The following POLR2F variants were observed in gnomAD, a reference collection of about 807,000 sequenced individuals.
POLR2F encodes DNA-directed RNA polymerases I, II, and III subunit RPABC2.
A neutral mutation model predicts 22.7 loss-of-function variants in POLR2F; 12 were observed. The observed-to-expected ratio is 0.53, with a 90% CI of 0.34 to 0.86. The LOEUF (loss-of-function observed/expected upper bound fraction) is 0.86. Ranked by LOEUF, POLR2F falls within the 40% of genes least tolerant of loss-of-function variation. The probability of loss-of-function intolerance (pLI) is 0.02; values close to 1 mark genes in which losing one functional copy is unlikely to be tolerated. For missense variants in POLR2F, 126 were observed against 171.5 expected, an observed-to-expected ratio of 0.73 and a Z score of 1.48; for synonymous variants, 57 against 66.0, an observed-to-expected ratio of 0.86 and a Z score of 0.66.
chr22:38,015,337 G>T (rs998953212), intron 1 of POLR2F, among the ~76,000 whole-genome samples: 3 of 152,202 alleles, frequency 2.0e-5, no homozygotes, highest in African/African-American at 7.2e-5. Context: ...GTTGTCAGGA[G>T]CCCCTGCTTG....
At chr22:38,024,772 C>T (rs1285555807) in intron 1 of POLR2F, among the ~76,000 whole-genome samples, 2 of 152,076 alleles carry the variant, frequency 1.3e-5, no homozygotes, top group Non-Finnish European at 2.9e-5. Flanking sequence ...AGGAGGCTGG[C>T]AGTGGGAGAG....
At chr22:38,011,569 T>G (rs1045013754) in intron 1 of POLR2F, among the ~76,000 whole-genome samples, 1 of 152,144 alleles carries the variant, frequency 6.6e-6, no homozygotes, top group African/African-American at 2.4e-5. Context: ...TGAAAATCAA[T>G]TGACCACATG....
In POLR2F at chr22:38,014,789, T is replaced by C. The variant is rs542126111; in HGVS notation, c.121-11080T>C. 6.3e-4 allele frequency among the ~76,000 whole-genome samples: 91 copies of C among 144,354 alleles called. 2 individuals carry two copies. In the Middle Eastern group the frequency reaches 0.011, roughly 17 times the overall value. 94.7% of individuals were successfully genotyped at this position (144,354 alleles called of 152,430 possible). ...TGAGCCACTGGGCCTGGCTCACACCTGTATTTGTATTTTTGTATTTTTTTT... is the reference window on the plus strand; with the variant it reads ...TGAGCCACTGGGCCTGGCTCACACCCGTATTTGTATTTTTGTATTTTTTTT... On this transcript the variant is annotated intron_variant, in intron 1 of 2. Transcript: ENST00000333418.
chr22:37,994,316 C>T (rs2084690825), intron 1 of POLR2F, among the ~76,000 whole-genome samples: 1 of 152,158 alleles, frequency 6.6e-6, no homozygotes, highest in South Asian at 2.1e-4. Context: ...TCACCTTCAG[C>T]TGTGTGTGCT....
chr22:37,978,423 A>G lies in POLR2F; in HGVS notation c.293+11253A>G, dbSNP rs556835947. Among the ~76,000 whole-genome samples, 56 of 152,188 alleles carry G rather than the reference A, an allele frequency of 3.7e-4. No individual in the cohort carries two copies. Among genetic ancestry groups the G allele is most frequent in the Non-Finnish European group, 7.4e-4 (50 of 68,020 alleles). ...CTGGCAGCCCCTGAGGAGGAGTTAG[A>G]AGTAGGAGTAGAGGTTTCAAGGGGC... On this transcript the variant is annotated intron_variant, in intron 4 of 4. Transcript: ENST00000405557. The surrounding 1 kb of genome is among the most constrained non-coding windows in gnomAD (Gnocchi z 5.0).
At chr22:37,973,475 T>C, downstream of POLR2F, 1 of 1,458,024 alleles carries the variant, frequency 6.9e-7, no homozygotes, top group Non-Finnish European at 9.3e-7. Flanking sequence ...GGGCGGGGGG[T>C]GGTGGCGACA....
In POLR2F at chr22:37,997,866, G is replaced by A. The variant is rs554942248; in HGVS notation, c.120+11554G>A. The stretch of plus-strand genomic sequence containing the variant: ...ACAGGCAGGAGGTAAGGATGCGTCC[G>A]AGCCTCCCTAGGACACGACCCTCAC... On this transcript the variant is annotated intron_variant, in intron 1 of 2. Coordinates refer to the POLR2F transcript ENST00000333418. The surrounding 1 kb of genome is among the most constrained non-coding windows in gnomAD (Gnocchi z 4.4). Among the ~76,000 whole-genome samples the A allele has an allele frequency of 1.1e-3, 163 of 152,262 alleles. No individual in the cohort carries two copies. The highest frequency in any genetic ancestry group is 3.7e-3 in the African/African-American group (153 of 41,532).
chr22:37,974,349 T>C lies in POLR2F; in HGVS notation c.293+7179T>C. The stretch of plus-strand genomic sequence containing the variant: ...CACATTTTGGCAGCATGAGTCGGGT[T>C]TTTTTTTGTTTTTTTTTTTTGAGAT... On this transcript the variant is annotated intron_variant, in intron 4 of 4. Coordinates refer to the POLR2F transcript ENST00000405557. This position sits in a 1 kb window ranked among gnomAD's most constrained non-coding sequence, Gnocchi z 5.4. 1 of 612,998 alleles carries C rather than the reference T, an allele frequency of 1.6e-6. No individual in the cohort carries two copies. Among genetic ancestry groups the C allele is most frequent in the Non-Finnish European group, 2.9e-6 (1 of 350,612 alleles). 38.0% of individuals were successfully genotyped at this position (612,998 alleles called of 1,614,324 possible).
intron 1 of POLR2F, among the ~76,000 whole-genome samples, chr22:38,022,551 CAAAAAAA>C (rs376987789): frequency 3.6e-5 from 2 of 55,836 alleles, no homozygotes; most frequent in Non-Finnish European, 7.2e-5. Flanking sequence ...AACGCTGTCT[CAAAAAAA>C]AAAAAAAAAA....
chr22:37,983,333 C>T, upstream of POLR2F: 1 of 1,594,156 alleles, frequency 6.3e-7, no homozygotes. The surrounding 1 kb of genome is among the most constrained non-coding windows in gnomAD (Gnocchi z 9.5). Context: ...AGGGCCCGAG[C>T]CCGGGGGGCG....
intron 1 of POLR2F, among the ~76,000 whole-genome samples, chr22:37,996,467 C>A (rs1014496166): frequency 1.3e-5 from 2 of 152,250 alleles, no homozygotes; most frequent in Non-Finnish European, 1.5e-5. Context: ...AAATCCCTTC[C>A]TCTCCCTCAT....
At chr22:37,958,341 A>T (rs1472449432) in intron 2 of POLR2F, 6 of 147,582 alleles carry the variant, frequency 4.1e-5, no homozygotes, top group Non-Finnish European at 8.9e-5. Context: ...GGCGCCCACC[A>T]CCACGCCCGG....
At chr22:37,963,701 A>G (rs558215603) in intron 3 of POLR2F, among the ~76,000 whole-genome samples, 3 of 152,398 alleles carry the variant, frequency 2.0e-5, no homozygotes, top group South Asian at 2.1e-4. Context: ...AGAAGAATTC[A>G]TAAGTTATTT....
At position 37,974,761 on chromosome 22, in the gene POLR2F, C is replaced by G. The variant is rs1932175033; in HGVS notation, c.293+7591C>G. Among the ~76,000 whole-genome samples, 4 of 152,334 alleles carry G rather than the reference C, an allele frequency of 2.6e-5. No homozygotes were observed. The South Asian group carries it at 8.3e-4, about 32-fold the overall frequency. On this transcript the variant is annotated intron_variant, in intron 4 of 4. Coordinates refer to the POLR2F transcript ENST00000405557. This position sits in a 1 kb window ranked among gnomAD's most constrained non-coding sequence, Gnocchi z 5.4. ...CCTGCCTCATTCTGAAAAAACCTTT[C>G]CTGTGGAAAGTTCTTCCTCTCATCA... is the stretch of plus-strand genomic sequence containing the variant.
At chr22:38,011,275 AT>A (rs905764507) in intron 1 of POLR2F, among the ~76,000 whole-genome samples, 16 of 145,082 alleles carry the variant, frequency 1.1e-4, no homozygotes, top group Admixed American at 2.8e-4. Flanking sequence ...TAATTTTTGT[AT>A]TTTTTTTTTG....
chr22:38,011,215 C>T (rs557547385), intron 1 of POLR2F, among the ~76,000 whole-genome samples: 9 of 152,268 alleles, frequency 5.9e-5, no homozygotes, highest in African/African-American at 2.2e-4. Context: ...GATCCTCCCA[C>T]CTCAGCCTCC....
downstream of POLR2F, chr22:37,971,060 C>T (rs1250922480): frequency 1.7e-5 from 6 of 346,148 alleles, no homozygotes. Context: ...GGTGCCCTGC[C>T]TCTCCCCTGG....
chr22:38,039,095 G>T (rs60227424), intron 5 of POLR2F, among the ~76,000 whole-genome samples: 8 of 152,144 alleles, frequency 5.3e-5, no homozygotes, highest in African/African-American at 1.7e-4. Flanking sequence ...CTTGCCTCCC[G>T]GGAGCGGCTC....
intron 1 of POLR2F, among the ~76,000 whole-genome samples, chr22:38,010,061 TATGTA>T (rs2084857488): frequency 6.6e-6 from 1 of 152,110 alleles, no homozygotes; most frequent in Non-Finnish European, 1.5e-5. Context: ...GGTCATGAGG[TATGTA>T]TATTTAACTT....
Sources: allele counts gnomAD v4.1 joint callset (sites outside exome capture counted in the v4.1 genomes callset), GRCh38; gene constraint gnomAD v4.1.1; non-coding constraint Gnocchi (gnomAD v3.1); transcripts MANE v1.5; gene names NCBI Gene and HGNC (gene_info 2026-07-23, HGNC 2026-07-21).